Variants in SOX5 observed in about 807,000 individuals in gnomAD.
SOX5 encodes the protein SRY-box transcription factor 5.
Under a neutral mutation model 92.0 loss-of-function variants are expected in SOX5, and 9 were observed. That is an observed-to-expected ratio of 0.10 (90% CI 0.06 to 0.17). The LOEUF (loss-of-function observed/expected upper bound fraction) is 0.17. Ranked by LOEUF, SOX5 falls within the 10% of genes least tolerant of loss-of-function variation. The pLI is 1.00. For synonymous variants in SOX5, 344 were observed against 336.3 expected, an observed-to-expected ratio of 1.02 and a Z score of -0.25; for missense variants, 642 against 944.5, an observed-to-expected ratio of 0.68 and a Z score of 4.20.
At chr12:24,134,916 T>C (rs1364060229) in intron 4 of SOX5, among the ~76,000 whole-genome samples, 2 of 152,176 alleles carry the variant, frequency 1.3e-5, no homozygotes, top group Non-Finnish European at 2.9e-5. Context: ...GTACCTTTCC[T>C]CTGTATTTTT....
At chr12:23,613,753 A>G (rs1457030627) in intron 8 of SOX5, among the ~76,000 whole-genome samples, 1 of 152,218 alleles carries the variant, frequency 6.6e-6, no homozygotes, top group African/African-American at 2.4e-5. Flanking sequence ...TGCTAAGCAA[A>G]TAAGCCACTC....
At chr12:23,677,999 C>A (rs2085985566) in intron 6 of SOX5, among the ~76,000 whole-genome samples, 1 of 152,046 alleles carries the variant, frequency 6.6e-6, no homozygotes. Context: ...TGGAACACAG[C>A]AATGAGATGC....
intron 1 of SOX5, among the ~76,000 whole-genome samples, chr12:24,375,008 T>C (rs977729323): frequency 2.6e-5 from 4 of 152,118 alleles, no homozygotes; most frequent in Non-Finnish European, 4.4e-5. Context: ...AGTCTTGCTC[T>C]GTCACCCAGG....
At chr12:24,179,523 T>A (rs1257139865) in intron 4 of SOX5, among the ~76,000 whole-genome samples, 8 of 152,232 alleles carry the variant, frequency 5.3e-5, no homozygotes, top group Non-Finnish European at 1.2e-4. Flanking sequence ...GACTCTGCAA[T>A]GCACTGTGTT....
At chr12:23,693,325 T>C (rs2089229379) in intron 6 of SOX5, among the ~76,000 whole-genome samples, 1 of 152,158 alleles carries the variant, frequency 6.6e-6, no homozygotes. Context: ...GTTTTCACCA[T>C]GTTGGTCAGG....
intron 3 of SOX5, among the ~76,000 whole-genome samples, chr12:23,822,064 C>A (rs544978374): frequency 6.6e-5 from 10 of 152,084 alleles, no homozygotes; most frequent in African/African-American, 1.9e-4. Flanking sequence ...TTAATCTTTT[C>A]AAAAAACCAG....
chr12:24,504,655 T>C (rs890575409), intron 1 of SOX5, among the ~76,000 whole-genome samples: 1 of 152,210 alleles, frequency 6.6e-6, no homozygotes, highest in Non-Finnish European at 1.5e-5. Flanking sequence ...ATAAATTGTA[T>C]AGATAAACAT....
chr12:23,913,898 G>T (rs2097381555), intron 1 of SOX5, among the ~76,000 whole-genome samples: 1 of 152,034 alleles, frequency 6.6e-6, no homozygotes, highest in Non-Finnish European at 1.5e-5. Flanking sequence ...TATATGCTTA[G>T]AAAAGATAAT....
chr12:23,578,144 A>AAAAAAAAAAAAAAAAAAAAAG (rs1432589481), intron 9 of SOX5, among the ~76,000 whole-genome samples: 7 of 134,976 alleles, frequency 5.2e-5, no homozygotes, highest in Non-Finnish European at 9.7e-5. Flanking sequence ...AAAAAAAAAA[A>AAAAAAAAAAAAAAAAAAAAAG]AAAAAACTAT....
At chr12:24,171,740 G>C (rs1236517662) in intron 4 of SOX5, among the ~76,000 whole-genome samples, 1 of 152,086 alleles carries the variant, frequency 6.6e-6, no homozygotes, top group Non-Finnish European at 1.5e-5. Flanking sequence ...GCTCATGCCT[G>C]TAATCTCAGC....
At chr12:24,463,754 A>T (rs1270387067) in intron 1 of SOX5, among the ~76,000 whole-genome samples, 3 of 152,080 alleles carry the variant, frequency 2.0e-5, no homozygotes, top group African/African-American at 7.2e-5. Context: ...GCTCTCATTC[A>T]CTCGCCACAA....
Position 23,534,197 on chromosome 12 carries a change from C to A in SOX5, c.*22G>T. 6.2e-7 allele frequency: 1 copy of A among 1,605,732 alleles called. No homozygotes were observed. Among genetic ancestry groups the A allele is most frequent in the South Asian group, 1.1e-5 (1 of 89,916 alleles). On this transcript the variant is annotated 3_prime_UTR_variant, in exon 15 of 15. Coordinates refer to ENST00000451604, the MANE Select transcript of SOX5 (RefSeq NM_006940.6). ...TTAGGGCTTCTTTAAGTCCTAAGGT[C>A]ACAACAATCTTTTGACCCTTATCAG...
chr12:24,118,186 G>T (rs1948259716), intron 4 of SOX5, among the ~76,000 whole-genome samples: 1 of 152,040 alleles, frequency 6.6e-6, no homozygotes, highest in Non-Finnish European at 1.5e-5. Flanking sequence ...GTGATCTTTT[G>T]CACTGCATGG....
intron 1 of SOX5, among the ~76,000 whole-genome samples, chr12:24,482,115 C>T (rs1405125991): frequency 6.6e-6 from 1 of 152,146 alleles, no homozygotes; most frequent in East Asian, 1.9e-4. Flanking sequence ...TCCTATGCAA[C>T]ACCTATCAAC....
At chr12:24,146,963 A>G (rs890386742) in intron 4 of SOX5, among the ~76,000 whole-genome samples, 30 of 152,244 alleles carry the variant, frequency 2.0e-4, no homozygotes, top group Admixed American at 1.2e-3. Context: ...CTTCATGTCT[A>G]TTTTTTAAAT....
At chr12:24,502,515 A>T (rs1235183506) in intron 1 of SOX5, among the ~76,000 whole-genome samples, 1 of 152,250 alleles carries the variant, frequency 6.6e-6, no homozygotes, top group Non-Finnish European at 1.5e-5. Flanking sequence ...CCCATAAATG[A>T]GGAAGAAGGA....
chr12:23,874,949 A>G (rs1332205757), intron 2 of SOX5, among the ~76,000 whole-genome samples: 1 of 152,230 alleles, frequency 6.6e-6, no homozygotes, highest in South Asian at 2.1e-4. Context: ...CTTATAGCTC[A>G]AAAGACCTCA....
chr12:23,645,101 A>G (rs976357019), intron 7 of SOX5, among the ~76,000 whole-genome samples: 2 of 152,162 alleles, frequency 1.3e-5, no homozygotes, highest in Admixed American at 1.3e-4. Flanking sequence ...CTGCATTTCT[A>G]TCTTTTCTAA....
chr12:23,555,979 G>A (rs988502759), intron 11 of SOX5, among the ~76,000 whole-genome samples: 3 of 152,112 alleles, frequency 2.0e-5, no homozygotes, highest in Admixed American at 6.5e-5. Context: ...CGAGAATGTC[G>A]ATTGGAATTA....
Sources: gnomAD v4.1 joint callset for allele counts (sites outside exome capture counted in the v4.1 genomes callset) on GRCh38, gnomAD v4.1.1 for gene constraint, MANE v1.5 for transcripts, NCBI Gene and HGNC (gene_info 2026-07-23, HGNC 2026-07-21) for gene names.